WWOX: variants seen among roughly 807,000 people sequenced by gnomAD.
WWOX encodes WW domain containing oxidoreductase.
A neutral mutation model predicts 46.2 loss-of-function variants in WWOX; 69 were observed. The ratio of observed to expected loss-of-function variants is 1.49; its 90% CI spans 1.23 to 1.82. WWOX has a LOEUF of 1.82. Ranked by LOEUF, WWOX falls within the 40% of genes most tolerant of loss-of-function variation. The pLI, the probability that WWOX is intolerant of heterozygous loss-of-function variation, is 0.00. For synonymous variants in WWOX, 359 were observed against 202.6 expected, an observed-to-expected ratio of 1.77 and a Z score of -6.56; for missense variants, 919 against 542.6, an observed-to-expected ratio of 1.69 and a Z score of -6.89.
chr16:78,850,753 A>G (rs908933965), intron 8 of WWOX, among the ~76,000 whole-genome samples: 1 of 152,118 alleles, frequency 6.6e-6, no homozygotes, highest in Admixed American at 6.5e-5. Context: ...TCAAAAAAGA[A>G]CCCAATCTTA....
chr16:79,027,947 TTTG>T (rs950573036), intron 8 of WWOX, among the ~76,000 whole-genome samples: 1 of 151,684 alleles, frequency 6.6e-6, no homozygotes, highest in Non-Finnish European at 1.5e-5. Flanking sequence ...GTTTTTCTTT[TTTG>T]TTGTTGTTTG....
intron 6 of WWOX, among the ~76,000 whole-genome samples, chr16:78,423,522 G>T (rs1213512279): frequency 6.6e-6 from 1 of 152,082 alleles, no homozygotes; most frequent in African/African-American, 2.4e-5. Flanking sequence ...ATTACTTTCT[G>T]AGAATTTAGC....
chr16:78,760,643 G>C (rs2049768913), intron 8 of WWOX, among the ~76,000 whole-genome samples: 1 of 152,168 alleles, frequency 6.6e-6, no homozygotes, highest in African/African-American at 2.4e-5. Flanking sequence ...GGAGCTCACA[G>C]CCAAGTCCTA....
At chr16:78,959,148 G>T (rs1013006231) in intron 8 of WWOX, among the ~76,000 whole-genome samples, 5 of 152,162 alleles carry the variant, frequency 3.3e-5, no homozygotes. Flanking sequence ...GTATTTCCTT[G>T]TAGAGTATGA....
intron 8 of WWOX, among the ~76,000 whole-genome samples, chr16:78,511,772 T>C (rs2085367216): frequency 6.6e-6 from 1 of 152,190 alleles, no homozygotes; most frequent in Non-Finnish European, 1.5e-5. Context: ...ATCTTGAAAT[T>C]TGTCCTCAGC....
At chr16:78,580,921 A>G (rs2045035730) in intron 8 of WWOX, among the ~76,000 whole-genome samples, 1 of 152,230 alleles carries the variant, frequency 6.6e-6, no homozygotes, top group Non-Finnish European at 1.5e-5. Context: ...CATAAGTCTA[A>G]TTTAGTAGCC....
At chr16:78,207,317 A>G (rs1597352263) in intron 5 of WWOX, among the ~76,000 whole-genome samples, 1 of 152,198 alleles carries the variant, frequency 6.6e-6, no homozygotes, top group African/African-American at 2.4e-5. Flanking sequence ...ATAAATTATT[A>G]CATATCTGTA....
At chr16:79,098,908 C>T (rs1021689616) in intron 8 of WWOX, among the ~76,000 whole-genome samples, 2 of 152,082 alleles carry the variant, frequency 1.3e-5, no homozygotes, top group Non-Finnish European at 2.9e-5. Context: ...TTTTGTGTTG[C>T]TATAACAAAA....
intron 8 of WWOX, among the ~76,000 whole-genome samples, chr16:79,188,576 G>A (rs563374851): frequency 6.6e-5 from 10 of 152,100 alleles, no homozygotes; most frequent in African/African-American, 1.2e-4. Context: ...CCACACTTAC[G>A]AAGTCAAACT....
chr16:78,514,738 G>A (rs181112474), intron 8 of WWOX, among the ~76,000 whole-genome samples: 85 of 152,222 alleles, frequency 5.6e-4, no homozygotes, highest in South Asian at 2.1e-4. Context: ...TGGTTTTCTG[G>A]CTATATAAAC....
At chr16:79,171,172 C>G (rs1047176193) in intron 8 of WWOX, among the ~76,000 whole-genome samples, 9 of 152,144 alleles carry the variant, frequency 5.9e-5, no homozygotes, top group Non-Finnish European at 4.4e-5. Flanking sequence ...ACTTGGGAGA[C>G]ACACATAGCG....
chr16:78,903,489 C>G (rs981789152), intron 8 of WWOX, among the ~76,000 whole-genome samples: 9 of 152,184 alleles, frequency 5.9e-5, no homozygotes, highest in African/African-American at 1.7e-4. Context: ...TTGCAAAAAG[C>G]AAAACCACTC....
At chr16:78,837,630 A>G (rs543016704) in intron 8 of WWOX, among the ~76,000 whole-genome samples, 6 of 152,144 alleles carry the variant, frequency 3.9e-5, no homozygotes, top group Admixed American at 2.6e-4. Flanking sequence ...CTTACCTAGA[A>G]ACTGTTTATT....
intron 8 of WWOX, among the ~76,000 whole-genome samples, chr16:79,055,275 G>C (rs1042688104): frequency 3.3e-5 from 5 of 151,656 alleles, no homozygotes; most frequent in African/African-American, 1.2e-4. Flanking sequence ...ATTACATTTT[G>C]CTGAGTTCAC....
intron 8 of WWOX, among the ~76,000 whole-genome samples, chr16:78,987,056 C>G (rs112994898): frequency 2.6e-5 from 4 of 152,198 alleles, no homozygotes; most frequent in African/African-American, 9.6e-5. Flanking sequence ...TCTTAAAGGA[C>G]ACAGCGCCAT....
chr16:78,853,257 G>A (rs535898236), intron 8 of WWOX, among the ~76,000 whole-genome samples: 1 of 151,972 alleles, frequency 6.6e-6, no homozygotes, highest in Non-Finnish European at 1.5e-5. Context: ...GTCTTGATCT[G>A]TCATCCAGGC....
chr16:78,258,760 A>G (rs150160631), intron 5 of WWOX, among the ~76,000 whole-genome samples: 14 of 150,872 alleles, frequency 9.3e-5, no homozygotes, highest in African/African-American at 2.4e-4. Flanking sequence ...CAAGGCCCAC[A>G]TGGCTTTTCT....
At chr16:79,090,286 T>TGC (rs2048932715) in intron 8 of WWOX, among the ~76,000 whole-genome samples, 2 of 141,378 alleles carry the variant, frequency 1.4e-5, no homozygotes, top group South Asian at 4.3e-4. Context: ...TGTGCGTGTG[T>TGC]GTGTGTGTGT....
intron 5 of WWOX, among the ~76,000 whole-genome samples, chr16:78,285,199 G>T (rs888753664): frequency 6.6e-6 from 1 of 152,034 alleles, no homozygotes; most frequent in African/African-American, 2.4e-5. Context: ...TTTGGGAGGC[G>T]AGGTGGGAGG....
Sources: allele counts gnomAD v4.1 joint callset (sites outside exome capture counted in the v4.1 genomes callset), GRCh38; gene constraint gnomAD v4.1.1; transcripts MANE v1.5; gene names NCBI Gene and HGNC (gene_info 2026-07-23, HGNC 2026-07-21).